The following CSMD1 variants were observed in gnomAD, a reference collection of about 807,000 sequenced individuals.
The protein encoded by CSMD1 is CUB and Sushi multiple domains 1, also known as CUB and sushi domain-containing protein 1.
CSMD1 carries 213 observed loss-of-function variants against 417.5 expected under a neutral mutation model. The ratio of observed to expected loss-of-function variants is 0.51; its 90% confidence interval spans 0.46 to 0.57. The LOEUF (loss-of-function observed/expected upper bound fraction) is 0.57. CSMD1 is among the 20% of genes least tolerant of loss of function. The pLI, the probability that CSMD1 is intolerant of heterozygous loss-of-function variation, is 0.00. For synonymous variants in CSMD1, 2,862 were observed against 1,736.8 expected (o/e 1.65, Z -16.11); for missense variants, 6,923 against 4,529.7 (o/e 1.53, Z -15.17).
chr8:4,674,374 G>C (rs535534206), intron 1 of CSMD1, among the ~76,000 whole-genome samples: 1 of 152,100 alleles, frequency 6.6e-6, no homozygotes, highest in Non-Finnish European at 1.5e-5. Flanking sequence ...TGCCAGGATA[G>C]GTTGAAAAAA....
At chr8:3,767,687 AT>A (rs1297078403) in intron 5 of CSMD1, among the ~76,000 whole-genome samples, 4 of 152,194 alleles carry the variant, frequency 2.6e-5, no homozygotes, top group African/African-American at 7.2e-5. Context: ...CCTATATATT[AT>A]GTATATTATA....
At chr8:3,737,926 A>G (rs1196537037) in intron 6 of CSMD1, among the ~76,000 whole-genome samples, 1 of 152,224 alleles carries the variant, frequency 6.6e-6, no homozygotes, top group Non-Finnish European at 1.5e-5. Flanking sequence ...TTCTAAAGGT[A>G]GATAATTGTC....
At chr8:3,205,383 A>G in intron 31 of CSMD1, 121 bp downstream of exon 31, 3 of 590,432 alleles carry the variant, frequency 5.1e-6, no homozygotes, top group Non-Finnish European at 8.9e-6. Flanking sequence ...CTTAAATGCA[A>G]CTCATTTGCT....
intron 1 of CSMD1, among the ~76,000 whole-genome samples, chr8:4,665,271 G>C (rs915745073): frequency 9.9e-5 from 15 of 152,132 alleles, no homozygotes; most frequent in Admixed American, 4.6e-4. Context: ...AGTTTGGCTG[G>C]TTCTCTTTTC....
At chr8:4,501,629 G>A (rs1235725678) in intron 2 of CSMD1, among the ~76,000 whole-genome samples, 1 of 152,218 alleles carries the variant, frequency 6.6e-6, no homozygotes, top group African/African-American at 2.4e-5. Flanking sequence ...ATTGCTAGCT[G>A]TTCTGACTAG....
intron 2 of CSMD1, among the ~76,000 whole-genome samples, chr8:4,466,529 C>G (rs1365118947): frequency 6.6e-6 from 1 of 152,156 alleles, no homozygotes; most frequent in East Asian, 1.9e-4. Context: ...CAATGGAAAG[C>G]TGTGTTTGGA....
chr8:4,697,830 A>C (rs1040279156), intron 1 of CSMD1, among the ~76,000 whole-genome samples: 11 of 152,216 alleles, frequency 7.2e-5, no homozygotes, highest in Non-Finnish European at 1.3e-4. Flanking sequence ...CTAAGCCATA[A>C]TTTCAAAATT....
At chr8:3,255,152 C>T (rs896539573) in intron 26 of CSMD1, among the ~76,000 whole-genome samples, 3 of 152,158 alleles carry the variant, frequency 2.0e-5, no homozygotes, top group African/African-American at 7.2e-5. Flanking sequence ...ACCTATTTGC[C>T]TGGGTATCAG....
At chr8:3,583,364 C>T (rs1345208197) in intron 9 of CSMD1, among the ~76,000 whole-genome samples, 2 of 151,806 alleles carry the variant, frequency 1.3e-5, no homozygotes, top group African/African-American at 4.8e-5. Context: ...ATAGAGAAGG[C>T]CTCAGGTGCC....
In CSMD1 at chr8:3,187,917, T is replaced by A. The variant is rs1270092523; in HGVS notation, c.5572A>T (p.Ile1858Phe). The change falls in exon 36 of 70, where the codon ATC becomes TTC. Residue 1858 changes from isoleucine to phenylalanine, a missense_variant. Physicochemically the swap from Ile to Phe is conservative, Grantham distance 21 (BLOSUM62 0). Coordinates refer to ENST00000635120, the MANE Select transcript of CSMD1 (RefSeq NM_033225.6). ...ATEQNWDSLEIHDGGDVTAPR... is the reference protein window; with the variant it reads ...ATEQNWDSLEFHDGGDVTAPR... ...GCGGTCACATCCCCACCATCGTGGATCTCAAGGGAGTCCCAGTTCTGCTCC... is the reference window on the plus strand; with the variant it reads ...GCGGTCACATCCCCACCATCGTGGAACTCAAGGGAGTCCCAGTTCTGCTCC... The A allele has an allele frequency of 3.7e-6, 6 of 1,613,500 alleles. No homozygotes were observed. The highest frequency in any genetic ancestry group is 4.2e-6 in the Non-Finnish European group (5 of 1,179,766).
chr8:3,506,155 G>C (rs1402201049), intron 10 of CSMD1, among the ~76,000 whole-genome samples: 1 of 152,130 alleles, frequency 6.6e-6, no homozygotes, highest in African/African-American at 2.4e-5. Flanking sequence ...AAGTGCCAGG[G>C]AGGCAGCTGA....
chr8:3,547,840 A>G (rs1563142159), intron 10 of CSMD1, among the ~76,000 whole-genome samples: 1 of 152,198 alleles, frequency 6.6e-6, no homozygotes, highest in African/African-American at 2.4e-5. Context: ...AAAGTTTTTT[A>G]AAAGGAATTT....
At chr8:4,393,711 G>A (rs1372696860) in intron 3 of CSMD1, among the ~76,000 whole-genome samples, 4 of 152,300 alleles carry the variant, frequency 2.6e-5, no homozygotes, top group Non-Finnish European at 5.9e-5. Flanking sequence ...AACTCCAGGA[G>A]CAGACCTTGA....
intron 2 of CSMD1, among the ~76,000 whole-genome samples, chr8:4,564,453 G>C (rs768629441): frequency 2.8e-4 from 43 of 152,154 alleles, no homozygotes; most frequent in Non-Finnish European, 4.4e-5. Flanking sequence ...CTAGTGTCTG[G>C]TGAGGGGCCT....
intron 2 of CSMD1, among the ~76,000 whole-genome samples, chr8:4,420,817 C>T (rs944581851): frequency 6.6e-6 from 1 of 152,182 alleles, no homozygotes; most frequent in East Asian, 1.9e-4. Flanking sequence ...TACCCACATT[C>T]TGGTAAGTAG....
At chr8:4,572,122 G>A (rs1798922391) in intron 2 of CSMD1, among the ~76,000 whole-genome samples, 1 of 152,148 alleles carries the variant, frequency 6.6e-6, no homozygotes, top group South Asian at 2.1e-4. Context: ...TTAAATTTAA[G>A]GTTAATATTG....
At chr8:4,789,177 T>G (rs749151537) in intron 1 of CSMD1, among the ~76,000 whole-genome samples, 12 of 152,232 alleles carry the variant, frequency 7.9e-5, no homozygotes, top group Non-Finnish European at 1.6e-4. Flanking sequence ...GATGAATGCT[T>G]TGTGCTTAGA....
At chr8:3,444,952 A>G (rs1585174756) in intron 12 of CSMD1, among the ~76,000 whole-genome samples, 1 of 152,188 alleles carries the variant, frequency 6.6e-6, no homozygotes, top group Non-Finnish European at 1.5e-5. Context: ...AAACACCACT[A>G]GCTATGAAGT....
intron 5 of CSMD1, among the ~76,000 whole-genome samples, chr8:3,810,771 G>A (rs1470216916): frequency 6.6e-6 from 1 of 152,156 alleles, no homozygotes; most frequent in East Asian, 1.9e-4. Context: ...TGATCATGGT[G>A]TTGCATCACT....
Sources: gnomAD v4.1 joint callset for allele counts (sites outside exome capture counted in the v4.1 genomes callset) on GRCh38, gnomAD v4.1.1 for gene constraint, MANE v1.5 for transcripts, NCBI Gene and HGNC (gene_info 2026-07-23, HGNC 2026-07-21) for gene names.